The following SPAG16 variants were observed in gnomAD, a reference collection of about 807,000 sequenced individuals.
SPAG16 encodes sperm-associated antigen 16 protein.
SPAG16 carries 86 observed loss-of-function variants against 80.4 expected under a neutral mutation model. The observed-to-expected ratio is 1.07, with a 90% CI of 0.90 to 1.28. The LOEUF (loss-of-function observed/expected upper bound fraction) is 1.28, where lower values mean the gene tolerates loss of function less well. Among genes scored for constraint, SPAG16 ranks in the 50% most tolerant of loss-of-function variants. The pLI, the probability that SPAG16 is intolerant of heterozygous loss-of-function variation, is 0.00. For missense variants in SPAG16, 870 were observed against 765.3 expected (o/e 1.14, Z -1.61); for synonymous variants, 294 against 265.9 (o/e 1.11, Z -1.03).
At chr2:213,376,362 G>T (rs1475317039) in intron 9 of SPAG16, among the ~76,000 whole-genome samples, 2 of 151,960 alleles carry the variant, frequency 1.3e-5, no homozygotes, top group Non-Finnish European at 2.9e-5. Context: ...GGGACAAAAA[G>T]ATACTAAAAT....
chr2:213,938,667 A>T (rs1459562159), intron 12 of SPAG16, among the ~76,000 whole-genome samples: 4 of 151,966 alleles, frequency 2.6e-5, no homozygotes, highest in Non-Finnish European at 5.9e-5. Context: ...TTAAATAAAA[A>T]TTTAAGATTT....
chr2:214,397,786 C>A (rs1701483455), intron 15 of SPAG16, among the ~76,000 whole-genome samples: 2 of 152,158 alleles, frequency 1.3e-5, no homozygotes, highest in Admixed American at 6.5e-5. Flanking sequence ...CTTATTATTT[C>A]TTTGTTTTCT....
intron 10 of SPAG16, among the ~76,000 whole-genome samples, chr2:213,565,989 A>G (rs1054078457): frequency 6.6e-6 from 1 of 152,188 alleles, no homozygotes; most frequent in Non-Finnish European, 1.5e-5. Flanking sequence ...AAAGCAGGAG[A>G]GGATTCATTA....
intron 8 of SPAG16, among the ~76,000 whole-genome samples, chr2:213,371,266 A>C (rs1415748151): frequency 6.6e-6 from 1 of 151,976 alleles, no homozygotes; most frequent in Non-Finnish European, 1.5e-5. Flanking sequence ...TTAGCTAGGC[A>C]TGATGGTGCG....
intron 4 of SPAG16, among the ~76,000 whole-genome samples, chr2:213,315,266 A>T (rs1027893705): frequency 6.6e-6 from 1 of 151,872 alleles, no homozygotes; most frequent in Non-Finnish European, 1.5e-5. Context: ...TGACTGAGAA[A>T]ATAGAAGTTC....
In SPAG16 at chr2:214,032,571, C is replaced by T. The variant is rs181109992; in HGVS notation, c.1527+18494C>T. On this transcript the variant is annotated intron_variant, in intron 13 of 15. Transcript: ENST00000331683. ...CGGAGGCTAGGATCTGAGTTTCTGA[C>T]ATCTAGAATAAAGTTAGGAAGAACT... Among the ~76,000 whole-genome samples, 347 of 152,138 alleles carry T rather than the reference C, an allele frequency of 2.3e-3. 1 individual carries two copies. The highest frequency in any genetic ancestry group is 8.1e-3 in the African/African-American group (336 of 41,510).
intron 9 of SPAG16, among the ~76,000 whole-genome samples, chr2:213,412,271 T>G (rs2069016422): frequency 6.6e-6 from 1 of 152,180 alleles, no homozygotes; most frequent in South Asian, 2.1e-4. Flanking sequence ...TAGTTTAACC[T>G]GTGTGGTCTA....
intron 13 of SPAG16, among the ~76,000 whole-genome samples, chr2:214,057,616 A>C (rs2050013622): frequency 6.6e-6 from 1 of 152,198 alleles, no homozygotes; most frequent in Non-Finnish European, 1.5e-5. Flanking sequence ...CACCAACTGC[A>C]TTTGCCACTA....
chr2:214,010,264 A>C (rs1315575360), intron 12 of SPAG16, among the ~76,000 whole-genome samples: 1 of 146,462 alleles, frequency 6.8e-6, no homozygotes, highest in African/African-American at 2.7e-5. Context: ...AGAGTTATAA[A>C]GAACAGATAT....
At chr2:214,320,361 G>T (rs1696009804) in intron 15 of SPAG16, among the ~76,000 whole-genome samples, 1 of 152,144 alleles carries the variant, frequency 6.6e-6, no homozygotes, top group Non-Finnish European at 1.5e-5. Flanking sequence ...TTGCTCCCAT[G>T]ATACTCTAGC....
At chr2:213,443,401 T>G in intron 9 of SPAG16, among the ~76,000 whole-genome samples, 1 of 152,352 alleles carries the variant, frequency 6.6e-6, no homozygotes, top group East Asian at 1.9e-4. Context: ...ATCATACTTA[T>G]GTATGATGTT....
chr2:213,926,869 T>A (rs991897446), intron 11 of SPAG16, among the ~76,000 whole-genome samples: 2 of 152,210 alleles, frequency 1.3e-5, no homozygotes, highest in African/African-American at 4.8e-5. Flanking sequence ...TTGCAGAATT[T>A]TGAGTAGCTA....
intron 10 of SPAG16, among the ~76,000 whole-genome samples, chr2:213,845,554 C>T (rs1280098684): frequency 2.6e-5 from 4 of 152,046 alleles, no homozygotes; most frequent in East Asian, 1.9e-4. Flanking sequence ...AATATGTACA[C>T]GAAGAATTTC....
intron 9 of SPAG16, among the ~76,000 whole-genome samples, chr2:213,466,469 A>G (rs2072702627): frequency 6.6e-6 from 1 of 152,162 alleles, no homozygotes; most frequent in African/African-American, 2.4e-5. Context: ...ATAAGGGATG[A>G]GCTATCTCAC....
At chr2:213,930,948 C>G (rs1332921405) in intron 12 of SPAG16, among the ~76,000 whole-genome samples, 1 of 152,128 alleles carries the variant, frequency 6.6e-6, no homozygotes, top group Admixed American at 6.5e-5. Flanking sequence ...CAGAGAAGTG[C>G]CCTCTCCTCG....
chr2:213,633,805 G>T (rs998257652), intron 10 of SPAG16, among the ~76,000 whole-genome samples: 2 of 151,962 alleles, frequency 1.3e-5, no homozygotes, highest in Admixed American at 1.3e-4. Flanking sequence ...TATAGTTTTT[G>T]TCTTGAAATC....
intron 12 of SPAG16, among the ~76,000 whole-genome samples, chr2:213,967,750 A>G (rs2044779488): frequency 6.6e-6 from 1 of 152,206 alleles, no homozygotes; most frequent in Non-Finnish European, 1.5e-5. Flanking sequence ...TAGGTTAAAT[A>G]TACAATGTAG....
At chr2:214,379,194 G>A (rs1700308306) in intron 15 of SPAG16, among the ~76,000 whole-genome samples, 1 of 152,094 alleles carries the variant, frequency 6.6e-6, no homozygotes, top group Non-Finnish European at 1.5e-5. Context: ...TTCTTAATAT[G>A]TTTTATAAAT....
At chr2:214,174,166 G>A (rs1270728564) in intron 15 of SPAG16, among the ~76,000 whole-genome samples, 4 of 152,000 alleles carry the variant, frequency 2.6e-5, no homozygotes, top group African/African-American at 7.2e-5. Context: ...TTGAAAACTG[G>A]CACAAGACAG....
Sources: allele counts gnomAD v4.1 joint callset (sites outside exome capture counted in the v4.1 genomes callset), GRCh38; gene constraint gnomAD v4.1.1; transcripts MANE v1.5; gene names NCBI Gene and HGNC (gene_info 2026-07-23, HGNC 2026-07-21).